Variants in SMU1 observed in about 807,000 individuals in gnomAD.
SMU1 encodes the protein SMU1 DNA replication regulator and spliceosomal factor.
SMU1 carries 2 observed loss-of-function variants against 62.0 expected under a neutral mutation model. That is an observed-to-expected ratio of 0.03 (90% CI 0.01 to 0.10). The LOEUF (loss-of-function observed/expected upper bound fraction) is 0.10. Among genes scored for constraint, SMU1 ranks in the 10% least tolerant of loss-of-function variants. The pLI is 1.00. For synonymous variants in SMU1, 188 were observed against 212.4 expected (o/e 0.89, Z 1.00); for missense variants, 227 against 622.1 (o/e 0.36, Z 6.76).
At position 33,051,075 on chromosome 9, in the gene SMU1, C is replaced by T. The variant is rs59063706; in HGVS notation, c.1290+2048G>A. 1.2e-3 allele frequency among the ~76,000 whole-genome samples: 91 copies of T among 74,274 alleles called. 16 individuals carry two copies. Among genetic ancestry groups the T allele is most frequent in the East Asian group, 1.6e-3 (6 of 3,714 alleles). The allele number at this position is 74,274 out of a possible 152,430, so 48.7% of individuals were successfully genotyped here. A position where few individuals can be genotyped will look rare whatever the true frequency, so the allele number is the denominator to read the frequency against. On this transcript the variant is annotated intron_variant, in intron 10 of 11. Transcript: ENST00000397149. ...GGCGGAGCTTGCAGTGAGCCGAGATCGCGCCACTGCACTCCAGCCTGGGCG... is the reference window on the plus strand; with the variant it reads ...GGCGGAGCTTGCAGTGAGCCGAGATTGCGCCACTGCACTCCAGCCTGGGCG...
At position 33,048,179 on chromosome 9, in the gene SMU1, A is replaced by G; in HGVS notation, c.1370T>C (p.Ile457Thr). The part of the protein sequence containing the change: ...CCALSPRGEW[I>T]YCVGEDFVLY... ...CACAAAGTCCTCCCCTACACAGTAG[A>G]TCCATTCACCACGGGGAGAGAGGGC... The change falls in exon 11 of 12, where the codon ATC becomes ACC. Residue 457 changes from isoleucine to threonine, a missense_variant. Ile to Thr is a moderately conservative substitution (Grantham distance 89). Transcript: ENST00000397149. 6.2e-7 allele frequency: 1 copy of G among 1,614,168 alleles called. No homozygotes were observed. The highest frequency in any genetic ancestry group is 8.5e-7 in the Non-Finnish European group (1 of 1,180,028).
At chr9:33,062,333 G>T in intron 4 of SMU1, 156 bp from the exon 5 acceptor site, 1 of 457,588 alleles carries the variant, frequency 2.2e-6, no homozygotes. Context: ...AAAGTAATCT[G>T]TGCTCCCCTG....
chr9:33,057,501 GT>G, intron 7 of SMU1, 96 bp downstream of exon 7: 1 of 1,392,844 alleles, frequency 7.2e-7, no homozygotes, highest in South Asian at 1.2e-5. Context: ...TCAATAATCA[GT>G]AGCTATTATT....
Position 33,050,990 on chromosome 9 carries a change from G to A in SMU1, c.1290+2133C>T, listed in dbSNP as rs60509460. Among the ~76,000 whole-genome samples, 8 of 103,166 alleles carry A rather than the reference G, an allele frequency of 7.8e-5. 1 individual carries two copies. The East Asian group carries it at 9.5e-4, about 12-fold the overall frequency. 67.7% of individuals were successfully genotyped at this position (103,166 alleles called of 152,430 possible). A position where few individuals can be genotyped will look rare whatever the true frequency, so the allele number is the denominator to read the frequency against. On this transcript the variant is annotated intron_variant, in intron 10 of 11. Coordinates refer to ENST00000397149, the MANE Select transcript of SMU1 (RefSeq NM_018225.3). Reference sequence around the variant, plus strand: ...CAAAAAATTAGCCGGGCGTGGTGGCGGGCGCCTGTAGTCCCAGCTACTCGG... The same window carrying A: ...CAAAAAATTAGCCGGGCGTGGTGGCAGGCGCCTGTAGTCCCAGCTACTCGG...
intron 8 of SMU1, 78 bp downstream of exon 8, chr9:33,056,759 T>C: frequency 6.8e-7 from 1 of 1,471,544 alleles, no homozygotes. Context: ...GGTAAAAGCG[T>C]AAGGAATCAC....
At chr9:33,062,647 G>A (rs1009275719) in intron 4 of SMU1, among the ~76,000 whole-genome samples, 2 of 151,858 alleles carry the variant, frequency 1.3e-5, no homozygotes, top group Non-Finnish European at 2.9e-5. Context: ...CATTTTAATG[G>A]CTGTAAAATA....
In SMU1 at chr9:33,045,253, T is replaced by C. The variant is rs984944197; in HGVS notation, c.*2040A>G. The C allele has an allele frequency of 3.3e-5, 5 of 152,196 alleles. No individual in the cohort carries two copies. The highest frequency in any genetic ancestry group is 7.3e-5 in the Non-Finnish European group (5 of 68,044). The allele number at this position is 152,196 out of a possible 1,614,324, so 9.4% of individuals were successfully genotyped here. ...TTTTTTTAGCATAAACTGTTTCCTC[T>C]AACTTAAACTTCTCTTAAGTGAACG... On this transcript the variant is annotated 3_prime_UTR_variant, in exon 12 of 12. Transcript: ENST00000397149.
At chr9:33,054,673 T>C (rs1839285776) in intron 9 of SMU1, among the ~76,000 whole-genome samples, 1 of 152,176 alleles carries the variant, frequency 6.6e-6, no homozygotes, top group South Asian at 2.1e-4. Flanking sequence ...AGGTACAAAG[T>C]CTCTAAGGCA....
chr9:33,072,507 T>C (rs1056583017), intron 2 of SMU1, among the ~76,000 whole-genome samples: 14 of 152,082 alleles, frequency 9.2e-5, no homozygotes, highest in African/African-American at 3.4e-4. Flanking sequence ...CAAAATTTTC[T>C]TTGGGAATTA....
intron 10 of SMU1, among the ~76,000 whole-genome samples, chr9:33,050,844 G>A (rs1268222863): frequency 7.5e-5 from 5 of 66,334 alleles, no homozygotes; most frequent in African/African-American, 1.5e-4. Flanking sequence ...AAATAAGGCC[G>A]GGCGCGGTGG....
At chr9:33,062,698 A>G (rs1478788388) in intron 4 of SMU1, among the ~76,000 whole-genome samples, 5 of 152,118 alleles carry the variant, frequency 3.3e-5, no homozygotes, top group African/African-American at 9.7e-5. Flanking sequence ...CATAATCAAT[A>G]TATTAGTGGA....
intron 3 of SMU1, among the ~76,000 whole-genome samples, chr9:33,070,057 G>A (rs926439126): frequency 3.3e-5 from 5 of 152,020 alleles, no homozygotes; most frequent in African/African-American, 4.8e-5. Flanking sequence ...CCCAGGAAGC[G>A]GAGGCTGCAG....
Position 33,042,514 on chromosome 9 carries a change from G to T in SMU1, c.*4779C>A, listed in dbSNP as rs968480797. 4.6e-5 allele frequency: 7 copies of T among 152,208 alleles called. No individual in the cohort carries two copies. The highest frequency in any genetic ancestry group is 1.7e-4 in the African/African-American group (7 of 41,444). 9.4% of individuals were successfully genotyped at this position (152,208 alleles called of 1,614,324 possible). On this transcript the variant is annotated 3_prime_UTR_variant, in exon 12 of 12. Transcript: ENST00000397149. ...TAGAGGCCAATTATGTCGCTTGAGA[G>T]TGCTCTTGGAACAGTGGCAAATTTT...
chr9:33,056,924 T>C lies in SMU1; in HGVS notation c.908A>G (p.Glu303Gly). Reference protein sequence around the residue: ...IQSGQCLRRFERAHSKGVTCL... With the variant: ...IQSGQCLRRFGRAHSKGVTCL... ...GGTGACACCCTTACTGTGTGCCCTCTCAAATCTCCTTAAACATTGTCCACT... is the reference window on the plus strand; with the variant it reads ...GGTGACACCCTTACTGTGTGCCCTCCCAAATCTCCTTAAACATTGTCCACT... The change falls in exon 8 of 12, where the codon GAG becomes GGG. Residue 303 changes from glutamate to glycine, a missense_variant. Coordinates refer to ENST00000397149, the MANE Select transcript of SMU1 (RefSeq NM_018225.3). 1 of 1,613,360 alleles carries C rather than the reference T, an allele frequency of 6.2e-7. No homozygotes were observed.
intron 10 of SMU1, among the ~76,000 whole-genome samples, chr9:33,049,846 G>T (rs1587705868): frequency 6.6e-6 from 1 of 152,172 alleles, no homozygotes; most frequent in East Asian, 1.9e-4. Flanking sequence ...ACTGAGGCTG[G>T]AAGATTTCTT....
chr9:33,055,936 C>T (rs572852786), intron 9 of SMU1, among the ~76,000 whole-genome samples, 177 bp downstream of exon 9: 2 of 152,170 alleles, frequency 1.3e-5, no homozygotes, highest in Non-Finnish European at 2.9e-5. Context: ...GGTCCCAAGG[C>T]CAATGGGAAT....
Position 33,056,138 on chromosome 9 carries a change from C to A in SMU1, c.1097G>T (p.Ser366Ile). 1 of 1,612,158 alleles carries A rather than the reference C, an allele frequency of 6.2e-7. No individual in the cohort carries two copies. The highest frequency in any genetic ancestry group is 8.5e-7 in the Non-Finnish European group (1 of 1,179,028). ...TFTQDGHYIISASSDGTVKIW... is the reference protein window; with the variant it reads ...TFTQDGHYIIIASSDGTVKIW... ...CTTTACAGTGCCATCAGAGGATGCA[C>A]TAATAATGTAATGTCCATCTTGTGT... Residue 366 changes from serine (S) to isoleucine (I), a missense_variant, in exon 9 of 12, where the codon AGT (serine) becomes ATT (isoleucine). Coordinates refer to ENST00000397149, the MANE Select transcript of SMU1 (RefSeq NM_018225.3).
chr9:33,064,474 A>G (rs912840075), intron 4 of SMU1, among the ~76,000 whole-genome samples: 1 of 152,160 alleles, frequency 6.6e-6, no homozygotes, highest in Non-Finnish European at 1.5e-5. Flanking sequence ...CTCCCCCGCA[A>G]TTCTAAAGTC....
At chr9:33,047,449 G>T in intron 11 of SMU1, 58 bp from the exon 12 acceptor site, 2 of 1,380,352 alleles carry the variant, frequency 1.4e-6, no homozygotes, top group African/African-American at 1.5e-5. Context: ...TCACTCTGAT[G>T]AGGCTTCCAG....
Sources: allele counts gnomAD v4.1 joint callset (sites outside exome capture counted in the v4.1 genomes callset), GRCh38; gene constraint gnomAD v4.1.1; transcripts MANE v1.5; gene names NCBI Gene and HGNC (gene_info 2026-07-23, HGNC 2026-07-21).